Variants in GORAB observed in about 807,000 individuals in gnomAD.
GORAB encodes golgin, RAB6 interacting.
A neutral mutation model predicts 29.9 loss-of-function variants in GORAB; 17 were observed. That is an observed-to-expected ratio of 0.57 (90% confidence interval 0.39 to 0.85). The LOEUF (loss-of-function observed/expected upper bound fraction) is 0.85, where lower values mean the gene tolerates loss of function less well. GORAB is among the 40% of genes least tolerant of loss of function. GORAB has a pLI of 0.00. For missense variants in GORAB, 442 were observed against 437.8 expected (o/e 1.01, Z -0.09); for synonymous variants, 183 against 157.2 (o/e 1.16, Z -1.23).
chr1:170,542,007 A>G (rs1287097194), intron 2 of GORAB, among the ~76,000 whole-genome samples: 1 of 152,236 alleles, frequency 6.6e-6, no homozygotes, highest in Non-Finnish European at 1.5e-5. Context: ...AAGTGAGCAA[A>G]TTGAAAGAAA....
At chr1:170,547,428 CTGCTACT>C (rs1649831726) in intron 4 of GORAB, among the ~76,000 whole-genome samples, 1 of 151,780 alleles carries the variant, frequency 6.6e-6, no homozygotes, top group South Asian at 2.1e-4. Context: ...GCTGCTACTG[CTGCTACT>C]GCTGCTACTG....
Position 170,552,383 on chromosome 1 carries a change from A to G in GORAB, c.1031A>G (p.Asn344Ser), listed in dbSNP as rs756900480. The G allele has an allele frequency of 2.5e-6, 4 of 1,614,040 alleles. No homozygotes were observed. The African/African-American group carries it at 4.0e-5, about 16-fold the overall frequency. The change falls in exon 5 of 5, where the codon AAT (asparagine) becomes AGT (serine). Residue 344 changes from asparagine to serine, a missense_variant. Transcript: ENST00000367763. ...VSPKVDDQCG[N>S]SSSIPFLSPN... ...CCAAAGGTAGATGACCAGTGTGGAA[A>G]TTCCAGTAGCATCCCCTTTCTTAGT...
rs766634981 is a variant in GORAB, at chr1:170,539,580, A to G, written c.419+13A>G. 3.7e-5 allele frequency: 60 copies of G among 1,613,248 alleles called. No homozygotes were observed. Among genetic ancestry groups the G allele is most frequent in the Non-Finnish European group, 4.9e-5 (58 of 1,179,876 alleles). On this transcript the variant is annotated intron_variant, in intron 2 of 4. Transcript: ENST00000367763. ...AGAAAGTGGAATTGTTAGTAAGTCTATGTGAAAAGTCCATGAGACTTTTCA... is the reference window on the plus strand; with the variant it reads ...AGAAAGTGGAATTGTTAGTAAGTCTGTGTGAAAAGTCCATGAGACTTTTCA...
In GORAB at chr1:170,539,378, A is replaced by G. The variant is rs1178185894; in HGVS notation, c.230A>G (p.Lys77Arg). Residue 77 changes from lysine to arginine, a missense_variant, in exon 2 of 5, where the codon AAA becomes AGA. Coordinates refer to ENST00000367763, the MANE Select transcript of GORAB (RefSeq NM_152281.3). ...CCAAAACAGAGAGTTAACGTTCAAA[A>G]ACCACCTTTTTCTTCCCCTACTCTT... ...SAPKQRVNVQKPPFSSPTLPS... is the reference protein window; with the variant it reads ...SAPKQRVNVQRPPFSSPTLPS... 3 of 1,614,086 alleles carry G rather than the reference A, an allele frequency of 1.9e-6. No individual in the cohort carries two copies. Among genetic ancestry groups the G allele is most frequent in the Non-Finnish European group, 2.5e-6 (3 of 1,179,996 alleles).
At chr1:170,541,203 CAAAAAAAAA>C (rs67384213) in intron 2 of GORAB, among the ~76,000 whole-genome samples, 2 of 46,332 alleles carry the variant, frequency 4.3e-5, no homozygotes, top group African/African-American at 9.0e-5. Flanking sequence ...GATTCTGTCC[CAAAAAAAAA>C]AAAAAAAAAA....
rs1317623207 is a variant in GORAB at position 170,532,411 on chromosome 1, C to A, written c.61+127C>A. 2.7e-5 allele frequency: 28 copies of A among 1,021,442 alleles called. No homozygotes were observed. The Middle Eastern group carries it at 7.9e-4, about 29-fold the overall frequency. 63.3% of individuals were successfully genotyped at this position (1,021,442 alleles called of 1,614,324 possible). ...GTGTTAGCGGAAGGCGCTGTAAGTA[C>A]GTGGACTGGATTAGGGGGTTTCAGA... On this transcript the variant is annotated intron_variant, in intron 1 of 4. Transcript: ENST00000367763.
chr1:170,550,141 T>C (rs1010065205), intron 4 of GORAB, among the ~76,000 whole-genome samples: 1 of 152,234 alleles, frequency 6.6e-6, no homozygotes. Flanking sequence ...TGGCTGTGTT[T>C]TGGACTCAGG....
rs773460134 is a variant in GORAB, at chr1:170,552,439, A to G, written c.1087A>G (p.Ile363Val). The change falls in exon 5 of 5, where the codon ATT becomes GTT. Residue 363 changes from isoleucine (I) to valine (V), a missense_variant. Transcript: ENST00000367763. ...PNCPNQEGND[I>V]SAALAT ...CTGCCCAAATCAAGAAGGTAATGAC[A>G]TTTCAGCTGCTTTGGCCACATGAAG... The G allele has an allele frequency of 1.2e-6, 2 of 1,613,880 alleles. No individual in the cohort carries two copies. Among genetic ancestry groups the G allele is most frequent in the Middle Eastern group, 1.6e-4 (1 of 6,062 alleles).
chr1:170,549,104 G>C (rs1434502826), intron 4 of GORAB, among the ~76,000 whole-genome samples: 2 of 152,082 alleles, frequency 1.3e-5, no homozygotes, highest in Non-Finnish European at 2.9e-5. Flanking sequence ...CCAAAACAAA[G>C]AGACAATTTC....
chr1:170,532,777 A>G lies in GORAB; in HGVS notation c.61+493A>G, dbSNP rs996056392. 6 of 179,538 alleles carry G rather than the reference A, an allele frequency of 3.3e-5. No homozygotes were observed. In the South Asian group the frequency reaches 4.4e-4, roughly 13 times the overall value. The allele number at this position is 179,538 out of a possible 1,614,324, so 11.1% of individuals were successfully genotyped here. A position where few individuals can be genotyped will look rare whatever the true frequency, so the allele number is the denominator to read the frequency against. On this transcript the variant is annotated intron_variant, in intron 1 of 4. Transcript: ENST00000367763. ...TTTCACAATTCATCTGGAGTGTTGC[A>G]TTCACTTCTGGTTGCCAGATGATTT...
intron 3 of GORAB, among the ~76,000 whole-genome samples, chr1:170,544,052 C>T (rs1649605521): frequency 6.6e-6 from 1 of 151,974 alleles, no homozygotes; most frequent in Non-Finnish European, 1.5e-5. Context: ...TTTGTTTGTT[C>T]CCTTTCTTAA....
intron 1 of GORAB, among the ~76,000 whole-genome samples, chr1:170,536,901 A>G (rs775399715): frequency 6.6e-6 from 1 of 152,218 alleles, no homozygotes; most frequent in African/African-American, 2.4e-5. Flanking sequence ...TAGAGAAGGA[A>G]GAGAATAATC....
chr1:170,539,742 T>A (rs930192193), intron 2 of GORAB, 175 bp downstream of exon 2: 2 of 652,382 alleles, frequency 3.1e-6, no homozygotes, highest in African/African-American at 3.7e-5. Context: ...AAATATAAGC[T>A]GGACACAGGC....
intron 2 of GORAB, chr1:170,539,780 T>C: frequency 5.3e-6 from 3 of 562,426 alleles, no homozygotes; most frequent in Non-Finnish European, 9.3e-6. Flanking sequence ...TTCTTTAGTC[T>C]TCATAACAGC....
chr1:170,534,535 C>G (rs1040395289), intron 1 of GORAB, among the ~76,000 whole-genome samples: 1 of 152,080 alleles, frequency 6.6e-6, no homozygotes, highest in Non-Finnish European at 1.5e-5. Context: ...GTCACGCACT[C>G]AATAACAGTA....
At chr1:170,535,119 TG>T (rs1390355060) in intron 1 of GORAB, among the ~76,000 whole-genome samples, 1 of 152,178 alleles carries the variant, frequency 6.6e-6, no homozygotes, top group Non-Finnish European at 1.5e-5. Context: ...AATTGAACAT[TG>T]GCAATTAAAT....
At chr1:170,550,782 A>AACTGCTAATGGTC (rs1650054782) in intron 4 of GORAB, among the ~76,000 whole-genome samples, 1 of 152,214 alleles carries the variant, frequency 6.6e-6, no homozygotes, top group African/African-American at 2.4e-5. Flanking sequence ...TGGCCTTCAC[A>AACTGCTAATGGTC]ACTGCTAATG....
intron 4 of GORAB, 94 bp downstream of exon 4, chr1:170,544,939 A>G: frequency 1.9e-6 from 3 of 1,541,498 alleles, no homozygotes; most frequent in Non-Finnish European, 2.6e-6. Context: ...TCATCATTGA[A>G]GCCTCAAAAC....
rs1328077002 is a variant in GORAB, at chr1:170,552,264, G to T, written c.912G>T (p.Val304=). ...HEQEVESRRP[V]VRLERPFQPA... ...AAGAAGTAGAATCAAGGAGACCAGTGGTTCGTTTAGAGAGGCCATTTCAGC... is the reference window on the plus strand; with the variant it reads ...AAGAAGTAGAATCAAGGAGACCAGTTGTTCGTTTAGAGAGGCCATTTCAGC... Residue 304 remains valine (V), a synonymous_variant, in exon 5 of 5, where the codon GTG becomes GTT. Transcript: ENST00000367763. The T allele has an allele frequency of 1.2e-6, 2 of 1,614,104 alleles. No homozygotes were observed. The highest frequency in any genetic ancestry group is 1.3e-5 in the African/African-American group (1 of 75,048).
Sources: gnomAD v4.1 joint callset for allele counts (sites outside exome capture counted in the v4.1 genomes callset) on GRCh38, gnomAD v4.1.1 for gene constraint, MANE v1.5 for transcripts, NCBI Gene and HGNC (gene_info 2026-07-23, HGNC 2026-07-21) for gene names.